The following DPP10 variants were observed in gnomAD, a reference collection of about 807,000 sequenced individuals.
DPP10 encodes dipeptidyl peptidase like 10.
DPP10 carries 33 observed loss-of-function variants against 120.9 expected under a neutral mutation model. The ratio of observed to expected loss-of-function variants is 0.27; its 90% CI spans 0.21 to 0.37. DPP10 has a LOEUF of 0.37. Among genes scored for constraint, DPP10 ranks in the 10% least tolerant of loss-of-function variants. The pLI, the probability that DPP10 is intolerant of heterozygous loss-of-function variation, is 1.00. For synonymous variants in DPP10, 337 were observed against 326.1 expected (o/e 1.03, Z -0.36); for missense variants, 816 against 942.8 (o/e 0.87, Z 1.76).
At chr2:115,086,874 TG>T (rs1280134011) in intron 1 of DPP10, among the ~76,000 whole-genome samples, 1 of 152,216 alleles carries the variant, frequency 6.6e-6, no homozygotes, top group Non-Finnish European at 1.5e-5. Context: ...AGCTGTGTCA[TG>T]GGCCGTGGTC....
At chr2:115,388,130 T>C (rs1351373924) in intron 3 of DPP10, among the ~76,000 whole-genome samples, 2 of 152,170 alleles carry the variant, frequency 1.3e-5, no homozygotes, top group Non-Finnish European at 2.9e-5. Flanking sequence ...GAAGAAGCGA[T>C]TGAAAATGTA....
intron 3 of DPP10, among the ~76,000 whole-genome samples, chr2:115,367,881 C>A (rs1040243331): frequency 6.6e-6 from 1 of 151,770 alleles, no homozygotes; most frequent in Admixed American, 6.6e-5. Flanking sequence ...AAAAAATACT[C>A]ATTATTCTAG....
At chr2:115,590,326 C>T (rs180770684) in intron 5 of DPP10, among the ~76,000 whole-genome samples, 1 of 152,168 alleles carries the variant, frequency 6.6e-6, no homozygotes, top group Admixed American at 6.5e-5. Context: ...CTTACCCCCA[C>T]CTCACGACAG....
chr2:114,955,553 C>G (rs920506529), intron 1 of DPP10, among the ~76,000 whole-genome samples: 1 of 152,156 alleles, frequency 6.6e-6, no homozygotes, highest in African/African-American at 2.4e-5. Context: ...TCAAACACTT[C>G]CAAAATATTG....
intron 1 of DPP10, among the ~76,000 whole-genome samples, chr2:114,608,160 G>T (rs1182043074): frequency 6.6e-6 from 1 of 152,172 alleles, no homozygotes; most frequent in Non-Finnish European, 1.5e-5. Flanking sequence ...TGAGTGAGAT[G>T]TTGGCCCTTA....
At position 115,126,382 on chromosome 2, in the gene DPP10, G is replaced by A. The variant is rs187624581; in HGVS notation, c.61-182857G>A. 4.6e-5 allele frequency among the ~76,000 whole-genome samples: 7 copies of A among 152,194 alleles called. No homozygotes were observed. The East Asian group carries it at 1.4e-3, about 29-fold the overall frequency. On this transcript the variant is annotated intron_variant, in intron 1 of 25. Transcript: ENST00000410059. ...CTCCCAAAGGGCCAATATTACAAGC[G>A]TGAGCCACTGCACCTGGCCACATTT...
intron 19 of DPP10, among the ~76,000 whole-genome samples, chr2:115,812,496 A>G (rs1686752839): frequency 6.6e-6 from 1 of 152,184 alleles, no homozygotes; most frequent in Non-Finnish European, 1.5e-5. Context: ...AAAAACAGCA[A>G]TTCCAGGCTT....
At chr2:115,166,700 A>C (rs1448708799) in intron 1 of DPP10, among the ~76,000 whole-genome samples, 1 of 151,392 alleles carries the variant, frequency 6.6e-6, no homozygotes, top group Non-Finnish European at 1.5e-5. Flanking sequence ...GTACATTTTA[A>C]AAAGATTAAA....
chr2:115,792,868 A>G (rs1684141032), intron 19 of DPP10, among the ~76,000 whole-genome samples: 1 of 152,218 alleles, frequency 6.6e-6, no homozygotes, highest in Non-Finnish European at 1.5e-5. Flanking sequence ...TCAGTATGTG[A>G]TGACCTTCAA....
At chr2:115,223,378 G>T (rs2057273888) in intron 1 of DPP10, among the ~76,000 whole-genome samples, 1 of 152,134 alleles carries the variant, frequency 6.6e-6, no homozygotes, top group Non-Finnish European at 1.5e-5. Flanking sequence ...GGCTGTGTCA[G>T]TTGCTCTTTA....
At chr2:114,830,576 A>G (rs1687012179) in intron 1 of DPP10, among the ~76,000 whole-genome samples, 1 of 152,232 alleles carries the variant, frequency 6.6e-6, no homozygotes, top group South Asian at 2.1e-4. Context: ...CACCCAGCAC[A>G]CATATTGCCT....
chr2:115,036,177 A>G (rs1032541691), intron 1 of DPP10, among the ~76,000 whole-genome samples: 1 of 152,184 alleles, frequency 6.6e-6, no homozygotes, highest in Non-Finnish European at 1.5e-5. Context: ...GTAAGTGCAA[A>G]GAGAGGAAAT....
chr2:114,499,318 C>T (rs1478203515), intron 1 of DPP10, among the ~76,000 whole-genome samples: 1 of 152,196 alleles, frequency 6.6e-6, no homozygotes, highest in African/African-American at 2.4e-5. Flanking sequence ...GAACTTTGAG[C>T]AAGGGCTGTT....
intron 5 of DPP10, among the ~76,000 whole-genome samples, chr2:115,660,365 T>C (rs1381320324): frequency 6.6e-6 from 1 of 152,328 alleles, no homozygotes; most frequent in East Asian, 1.9e-4. Flanking sequence ...CATTGTCAAA[T>C]GCAGTCATAA....
intron 1 of DPP10, among the ~76,000 whole-genome samples, chr2:114,804,771 C>T (rs1289365681): frequency 2.0e-5 from 3 of 152,156 alleles, no homozygotes; most frequent in Non-Finnish European, 4.4e-5. Context: ...GCAGAAGGGA[C>T]TTGCCTTGTC....
At chr2:114,880,349 T>C (rs1036903061) in intron 1 of DPP10, among the ~76,000 whole-genome samples, 2 of 152,162 alleles carry the variant, frequency 1.3e-5, no homozygotes, top group African/African-American at 4.8e-5. Context: ...TATTTTCATA[T>C]TCGAGACTTC....
Position 115,628,856 on chromosome 2 carries a change from T to A in DPP10, c.442-60831T>A, listed in dbSNP as rs576163938. ...TATACTTTAAGTTTTAGGGTACATGTGCACAACGTGCAGGTTTGTTACATA... is the reference window on the plus strand; with the variant it reads ...TATACTTTAAGTTTTAGGGTACATGAGCACAACGTGCAGGTTTGTTACATA... On this transcript the variant is annotated intron_variant, in intron 5 of 25. Transcript: ENST00000410059. Among the ~76,000 whole-genome samples, 3 of 152,192 alleles carry A rather than the reference T, an allele frequency of 2.0e-5. No individual in the cohort carries two copies. In the East Asian group the frequency reaches 5.8e-4, roughly 29 times the overall value.
chr2:115,332,864 A>G (rs2062841573), intron 2 of DPP10, among the ~76,000 whole-genome samples: 1 of 152,072 alleles, frequency 6.6e-6, no homozygotes, highest in African/African-American at 2.4e-5. Context: ...CAATTTTGGA[A>G]TCGGTGTGGT....
intron 5 of DPP10, among the ~76,000 whole-genome samples, chr2:115,526,562 A>G (rs1171904826): frequency 6.6e-6 from 1 of 152,142 alleles, no homozygotes; most frequent in Admixed American, 6.6e-5. Context: ...AGCAATATGT[A>G]TGGTTGTTGA....
Sources: allele counts gnomAD v4.1 joint callset (sites outside exome capture counted in the v4.1 genomes callset), GRCh38; gene constraint gnomAD v4.1.1; transcripts MANE v1.5; gene names NCBI Gene and HGNC (gene_info 2026-07-23, HGNC 2026-07-21).